The following GALNT13 variants were observed in gnomAD, a reference collection of about 807,000 sequenced individuals.
GALNT13 encodes UDP-GalNAc:polypeptide N-acetylgalactosaminyltransferase 13.
Under a neutral mutation model 64.2 loss-of-function variants are expected in GALNT13, and 28 were observed. The observed-to-expected ratio is 0.44, with a 90% confidence interval of 0.32 to 0.60. The LOEUF (loss-of-function observed/expected upper bound fraction) is 0.60, where lower values mean the gene tolerates loss of function less well. Among genes scored for constraint, GALNT13 ranks in the 20% least tolerant of loss-of-function variants. The pLI is 0.05. For synonymous variants in GALNT13, 214 were observed against 224.6 expected (o/e 0.95, Z 0.42); for missense variants, 577 against 669.8 (o/e 0.86, Z 1.53).
the GALNT13 span, among the ~76,000 whole-genome samples, chr2:153,466,275 C>T: frequency 0.029 from 4,398 of 152,074 alleles, 197 homozygotes; most frequent in African/African-American, 0.1. Flanking sequence ...TTTACTACTT[C>T]GGGTTGTACT....
At chr2:153,414,386 T>TAAAAAA in the GALNT13 span, among the ~76,000 whole-genome samples, 6 of 128,776 alleles carry the variant, frequency 4.7e-5, no homozygotes, top group Non-Finnish European at 8.4e-5. Flanking sequence ...AAAATAAAAA[T>TAAAAAA]AAAAAAAAAA....
chr2:153,339,302 T>C, the GALNT13 span, among the ~76,000 whole-genome samples: 1 of 152,212 alleles, frequency 6.6e-6, no homozygotes, highest in Non-Finnish European at 1.5e-5. Flanking sequence ...TTTTTGATAA[T>C]AGCCGTTCTA....
At chr2:153,921,703 A>G (rs1419841878) in intron 2 of GALNT13, among the ~76,000 whole-genome samples, 1 of 152,168 alleles carries the variant, frequency 6.6e-6, no homozygotes, top group African/African-American at 2.4e-5. Flanking sequence ...ATGAGGAAAT[A>G]TTGGAATGGC....
At chr2:153,099,137 A>G in the GALNT13 span, among the ~76,000 whole-genome samples, 133 of 152,238 alleles carry the variant, frequency 8.7e-4, 2 homozygotes, top group East Asian at 0.023. Flanking sequence ...AAACAACAAA[A>G]AATAATAACA....
chr2:154,411,903 A>C (rs756184574), intron 11 of GALNT13, among the ~76,000 whole-genome samples: 2 of 151,786 alleles, frequency 1.3e-5, no homozygotes, highest in African/African-American at 2.4e-5. Flanking sequence ...GATTGTCCAT[A>C]AAATGAACAA....
At chr2:153,673,547 T>C in the GALNT13 span, among the ~76,000 whole-genome samples, 7 of 152,160 alleles carry the variant, frequency 4.6e-5, no homozygotes, top group African/African-American at 1.7e-4. Flanking sequence ...TAGGTATTGA[T>C]AGAACGTATC....
intron 3 of GALNT13, among the ~76,000 whole-genome samples, chr2:154,053,601 A>G (rs550310510): frequency 2.2e-3 from 329 of 152,326 alleles, no homozygotes; most frequent in African/African-American, 7.0e-3. Context: ...TAACTAAACA[A>G]TAGTGCCTTA....
rs1701994874 is a variant in GALNT13 at position 154,094,764 on chromosome 2, T to C, written c.143-45573T>C. On this transcript the variant is annotated intron_variant, in intron 3 of 12. Coordinates refer to ENST00000392825, the MANE Select transcript of GALNT13 (RefSeq NM_052917.4). ...TCTTTGTTTAAATGTCAACTACTCA[T>C]CTCCCAGTTAGTTATCTTGCTTACC... Among the ~76,000 whole-genome samples the C allele has an allele frequency of 3.3e-5, 5 of 151,878 alleles. No individual in the cohort carries two copies. The South Asian group carries it at 1.0e-3, about 31-fold the overall frequency.
chr2:153,320,225 G>A, the GALNT13 span, among the ~76,000 whole-genome samples: 1 of 152,118 alleles, frequency 6.6e-6, no homozygotes, highest in East Asian at 1.9e-4. Flanking sequence ...TTTTTTACGT[G>A]TTTTAATAAT....
intron 3 of GALNT13, 139 bp from the exon 4 acceptor site, chr2:154,140,198 C>A: frequency 3.5e-6 from 2 of 576,556 alleles, no homozygotes; most frequent in Non-Finnish European, 6.0e-6. Flanking sequence ...GGTTTATAAT[C>A]AGTAAAATCT....
chr2:153,670,417 G>C, the GALNT13 span, among the ~76,000 whole-genome samples: 1 of 152,158 alleles, frequency 6.6e-6, no homozygotes, highest in Non-Finnish European at 1.5e-5. Context: ...AGGGTATGGA[G>C]TGAACCTCCA....
chr2:153,071,843 T>G, the GALNT13 span, among the ~76,000 whole-genome samples: 1 of 152,122 alleles, frequency 6.6e-6, no homozygotes. Context: ...TTTTTATGGG[T>G]TTTAAAAAAT....
the GALNT13 span, among the ~76,000 whole-genome samples, chr2:153,345,148 T>C: frequency 6.6e-6 from 1 of 152,242 alleles, no homozygotes; most frequent in Non-Finnish European, 1.5e-5. Context: ...CCTTTCATTC[T>C]GTTTTTCTTG....
the GALNT13 span, among the ~76,000 whole-genome samples, chr2:153,126,586 C>T: frequency 5.9e-5 from 9 of 152,038 alleles, no homozygotes; most frequent in African/African-American, 2.2e-4. Context: ...CACTATGCCA[C>T]ACTGCCTCTA....
upstream of GALNT13, among the ~76,000 whole-genome samples, chr2:153,868,550 C>A (rs914747528): frequency 6.6e-6 from 1 of 152,184 alleles, no homozygotes; most frequent in African/African-American, 2.4e-5. Flanking sequence ...TTTCCTTTAT[C>A]CATCATTCCT....
chr2:153,209,012 G>A, the GALNT13 span, among the ~76,000 whole-genome samples: 239 of 96,208 alleles, frequency 2.5e-3, 1 homozygote, highest in East Asian at 0.055. Flanking sequence ...GGAGTCTTGC[G>A]TTTTCACCCA....
chr2:153,195,576 G>A, the GALNT13 span, among the ~76,000 whole-genome samples: 3 of 152,198 alleles, frequency 2.0e-5, no homozygotes, highest in East Asian at 1.9e-4. Flanking sequence ...TGGAGACACC[G>A]GGAACTGCAG....
intron 3 of GALNT13, among the ~76,000 whole-genome samples, chr2:154,038,041 A>G (rs1212304195): frequency 2.0e-5 from 3 of 152,074 alleles, no homozygotes; most frequent in Non-Finnish European, 4.4e-5. Flanking sequence ...TCAGCCACTG[A>G]GGTGGCAGGA....
the GALNT13 span, among the ~76,000 whole-genome samples, chr2:153,276,196 A>G: frequency 5.3e-5 from 8 of 152,066 alleles, no homozygotes; most frequent in African/African-American, 1.9e-4. Flanking sequence ...TTCTTTGTCT[A>G]TTACACACTA....
Sources: gnomAD v4.1 joint callset for allele counts (sites outside exome capture counted in the v4.1 genomes callset) on GRCh38, gnomAD v4.1.1 for gene constraint, MANE v1.5 for transcripts, NCBI Gene and HGNC (gene_info 2026-07-23, HGNC 2026-07-21) for gene names.